DGCR8: variants seen among roughly 807,000 people sequenced by gnomAD.
DGCR8 encodes DGCR8 microprocessor complex subunit.
In DGCR8, 14 loss-of-function variants were observed where a neutral mutation model predicts 78.5. The observed-to-expected ratio is 0.18, with a 90% CI of 0.12 to 0.28. The LOEUF is 0.28. DGCR8 is among the 10% of genes least tolerant of loss of function. The pLI is 1.00. For synonymous variants in DGCR8, 399 were observed against 402.4 expected (o/e 0.99, Z 0.10); for missense variants, 702 against 1,022.5 (o/e 0.69, Z 4.28).
rs1275487178 is a variant in DGCR8 at position 20,110,356 on chromosome 22, A to G, written c.*248A>G. 6 of 510,182 alleles carry G rather than the reference A, an allele frequency of 1.2e-5. No individual in the cohort carries two copies. The highest frequency in any genetic ancestry group is 3.6e-5 in the Admixed American group (1 of 27,556). 31.6% of individuals were successfully genotyped at this position (510,182 alleles called of 1,614,324 possible). ...AATGGATGGACTCAGCGACTGCACC[A>G]GTGGCAGCTGGTGACTGTGGACAGT... On this transcript the variant is annotated 3_prime_UTR_variant, in exon 14 of 14. Transcript: ENST00000351989.
chr22:20,090,043 G>A lies in DGCR8; in HGVS notation c.1091G>A (p.Arg364Gln), dbSNP rs143390902. 6.5e-4 allele frequency: 1,050 copies of A among 1,614,214 alleles called. 15 individuals carry two copies. The highest frequency in any genetic ancestry group is 2.0e-4 in the Admixed American group (12 of 60,020). Residue 364 changes from arginine (R) to glutamine (Q), a missense_variant, in exon 5 of 14, where the codon CGG becomes CAG. Physicochemically the swap from Arg to Gln is conservative, Grantham distance 43. This residue lies in a region of DGCR8 where 119 missense variants were observed against 126.1 expected (regional missense o/e 0.94). Coordinates refer to ENST00000351989, the MANE Select transcript of DGCR8 (RefSeq NM_022720.7). ...AAGAAAATGAAGGACAACGAGGAAC[G>A]GGAGCAAAGCAGTGACCTCACCCCT... ...HYKKMKDNEE[R>Q]EQSSDLTPSG...
rs541100595 is a variant in DGCR8 at position 20,101,342 on chromosome 22, C to T, written c.1789-4835C>T. Reference sequence around the variant, plus strand: ...CTGTAATCCCAGCACTTTGGGAGGCCGAGGCGGGCAGATTACGAGGTAAGG... The same window carrying T: ...CTGTAATCCCAGCACTTTGGGAGGCTGAGGCGGGCAGATTACGAGGTAAGG... On this transcript the variant is annotated intron_variant, in intron 9 of 13. Transcript: ENST00000351989. 125 of 934,790 alleles carry T rather than the reference C, an allele frequency of 1.3e-4. 2 individuals carry two copies. In the Middle Eastern group the frequency reaches 1.6e-3, roughly 12 times the overall value. The allele number at this position is 934,790 out of a possible 1,614,324, so 57.9% of individuals were successfully genotyped here.
intron 9 of DGCR8, chr22:20,101,849 C>A: frequency 1.0e-6 from 1 of 985,370 alleles, no homozygotes; most frequent in Non-Finnish European, 1.2e-6. Context: ...GGGGTAGTAT[C>A]CCCTCCTTGT....
At chr22:20,094,691 C>T (rs372050687) in intron 8 of DGCR8, 22 bp from the exon 9 acceptor site, 267 of 1,611,100 alleles carry the variant, frequency 1.7e-4, no homozygotes, top group Admixed American at 1.3e-3. Flanking sequence ...AAGCCTCACC[C>T]TCGGGCTCTT....
intron 12 of DGCR8, chr22:20,108,634 T>G: frequency 5.6e-6 from 2 of 357,870 alleles, no homozygotes; most frequent in South Asian, 2.4e-5. Flanking sequence ...CAGGAGGCCA[T>G]ATAAGTGGCG....
rs1255845954 is a variant in DGCR8 at position 20,110,177 on chromosome 22, C to T, written c.*69C>T. 6.7e-6 allele frequency: 10 copies of T among 1,499,112 alleles called. No homozygotes were observed. The highest frequency in any genetic ancestry group is 4.5e-5 in the South Asian group (4 of 88,508). The allele number at this position is 1,499,112 out of a possible 1,614,324, so 92.9% of individuals were successfully genotyped here. A position where few individuals can be genotyped will look rare whatever the true frequency, so the allele number is the denominator to read the frequency against. On this transcript the variant is annotated 3_prime_UTR_variant, in exon 14 of 14. Coordinates refer to ENST00000351989, the MANE Select transcript of DGCR8 (RefSeq NM_022720.7). ...TCTGAGGAGACCAGCAGTCATGCAT[C>T]GTGCACCACAGTGTCAGGCCTCCAA...
chr22:20,094,928 TC>T, intron 9 of DGCR8, 133 bp downstream of exon 9: 2 of 677,650 alleles, frequency 3.0e-6, no homozygotes, highest in Non-Finnish European at 5.2e-6. Flanking sequence ...TCATCCAGCC[TC>T]CAGGTTCTTC....
intron 8 of DGCR8, 73 bp downstream of exon 8, chr22:20,092,980 G>A (rs539449652): frequency 9.1e-6 from 11 of 1,214,124 alleles, no homozygotes; most frequent in Non-Finnish European, 4.8e-6. Context: ...TTAGGGAGGG[G>A]CTGAGCAGTG....
rs73389791 is a variant in DGCR8 at position 20,111,273 on chromosome 22, C to T, written c.*1165C>T. The T allele has an allele frequency of 6.7e-3, 2,661 of 398,672 alleles. 49 individuals carry two copies. The highest frequency in any genetic ancestry group is 0.047 in the African/African-American group (2,300 of 48,654). The allele number at this position is 398,672 out of a possible 1,614,324, so 24.7% of individuals were successfully genotyped here. On this transcript the variant is annotated 3_prime_UTR_variant, in exon 14 of 14. Transcript: ENST00000351989. The stretch of plus-strand genomic sequence containing the variant: ...GTGGACTGGCACCTGTGCAGAGTGC[C>T]GTGTGCTTGTGGTGCGCCATCTGAA...
rs537778577 is a variant in DGCR8, at chr22:20,108,770, C to T, written c.2125-120C>T. Reference sequence around the variant, plus strand: ...ATGTTGCCACAGCTCCTGGCTGTTTCGTGTCTGCCAGACCCTGGGCGCGCC... The same window carrying T: ...ATGTTGCCACAGCTCCTGGCTGTTTTGTGTCTGCCAGACCCTGGGCGCGCC... On this transcript the variant is annotated intron_variant, in intron 12 of 13. Coordinates refer to ENST00000351989, the MANE Select transcript of DGCR8 (RefSeq NM_022720.7). The T allele has an allele frequency of 5.0e-5, 36 of 722,584 alleles. 1 individual carries two copies. Among genetic ancestry groups the T allele is most frequent in the South Asian group, 2.5e-4 (17 of 69,324 alleles). 44.8% of individuals were successfully genotyped at this position (722,584 alleles called of 1,614,324 possible). A position where few individuals can be genotyped will look rare whatever the true frequency, so the allele number is the denominator to read the frequency against.
At chr22:20,092,304 TCCTGGTGCC>T (rs2049575002) in intron 7 of DGCR8, among the ~76,000 whole-genome samples, 1 of 152,324 alleles carries the variant, frequency 6.6e-6, no homozygotes, top group East Asian at 1.9e-4. Flanking sequence ...TTCCCTGGTC[TCCTGGTGCC>T]CCTGGGTGTC....
Position 20,085,598 on chromosome 22 carries a change from G to A in DGCR8, c.-277-89G>A, listed in dbSNP as rs2049472311. On this transcript the variant is annotated intron_variant, in intron 1 of 13. Coordinates refer to ENST00000351989, the MANE Select transcript of DGCR8 (RefSeq NM_022720.7). This position sits in a 1 kb window ranked among gnomAD's most constrained non-coding sequence, Gnocchi z 6.2. ...ATATTATTTTGAAGCCCTTTACTAT[G>A]CTGTTAATAGTGCTTGGCTTTTAAC... 4 of 1,052,640 alleles carry A rather than the reference G, an allele frequency of 3.8e-6. No individual in the cohort carries two copies. Among genetic ancestry groups the A allele is most frequent in the Middle Eastern group, 3.4e-4 (1 of 2,934 alleles). 65.2% of individuals were successfully genotyped at this position (1,052,640 alleles called of 1,614,324 possible).
rs774050631 is a variant in DGCR8, at chr22:20,091,643, CT to C, written c.1504+12del. ...CACCCACAAAGAAAGGTATAAGCCT[CT>C]GCATTTTAACATCAGCAGACTGGTT... is the stretch of plus-strand genomic sequence containing the variant. On this transcript the variant is annotated intron_variant, in intron 6 of 13. Transcript: ENST00000351989. 57 of 1,612,434 alleles carry C rather than the reference CT, an allele frequency of 3.5e-5. No individual in the cohort carries two copies. Among genetic ancestry groups the C allele is most frequent in the Non-Finnish European group, 4.8e-5 (56 of 1,178,758 alleles).
chr22:20,096,523 T>C (rs1161485070), intron 9 of DGCR8: 1 of 973,670 alleles, frequency 1.0e-6, no homozygotes, highest in Non-Finnish European at 1.2e-6. Context: ...TATAATAGCT[T>C]TATTGAGATA....
rs181997269 is a variant in DGCR8 at position 20,082,695 on chromosome 22, G to A, written c.-278+2312G>A. Among the ~76,000 whole-genome samples, 4 of 152,308 alleles carry A rather than the reference G, an allele frequency of 2.6e-5. No individual in the cohort carries two copies. In the East Asian group the frequency reaches 5.8e-4, roughly 22 times the overall value. On this transcript the variant is annotated intron_variant, in intron 1 of 13. Transcript: ENST00000351989. ...AGTGGTTCTTTTAAACCATAAGATGGTATAAAACAGAGGCGGTGTAGATGC... is the reference window on the plus strand; with the variant it reads ...AGTGGTTCTTTTAAACCATAAGATGATATAAAACAGAGGCGGTGTAGATGC...
intron 8 of DGCR8, 43 bp from the exon 9 acceptor site, chr22:20,094,670 G>C: frequency 6.4e-7 from 1 of 1,559,876 alleles, no homozygotes; most frequent in South Asian, 1.1e-5. Context: ...GGTGAGAAGA[G>C]GGCAGTGCCC....
Position 20,111,402 on chromosome 22 carries a change from T to G in DGCR8, c.*1294T>G, listed in dbSNP as rs934164583. ...TTCTGTCAGGAAAACAATGTTGGCC[T>G]GTGGGCCGCCCACAACATATCCTTC... is the stretch of plus-strand genomic sequence containing the variant. On this transcript the variant is annotated 3_prime_UTR_variant, in exon 14 of 14. Transcript: ENST00000351989. The G allele has an allele frequency of 1.5e-5, 6 of 396,510 alleles. No individual in the cohort carries two copies. The highest frequency in any genetic ancestry group is 2.7e-5 in the Non-Finnish European group (6 of 225,496). 24.6% of individuals were successfully genotyped at this position (396,510 alleles called of 1,614,324 possible).
intron 9 of DGCR8, chr22:20,101,114 T>C: frequency 2.3e-6 from 2 of 861,404 alleles, no homozygotes; most frequent in African/African-American, 3.7e-5. Context: ...TGGGGTCGTT[T>C]TGAATCACAA....
chr22:20,096,134 G>A (rs2049626141), intron 9 of DGCR8, among the ~76,000 whole-genome samples: 1 of 152,138 alleles, frequency 6.6e-6, no homozygotes. Context: ...TCCATGGCCT[G>A]GGGGTTGGGG....
Sources: allele counts gnomAD v4.1 joint callset (sites outside exome capture counted in the v4.1 genomes callset), GRCh38; gene constraint gnomAD v4.1.1; regional missense constraint gnomAD v4.1.1; non-coding constraint Gnocchi (gnomAD v3.1); transcripts MANE v1.5; gene names NCBI Gene and HGNC (gene_info 2026-07-23, HGNC 2026-07-21).